Variants in PPHLN1 observed in about 807,000 individuals in gnomAD.
PPHLN1 encodes periphilin 1.
A neutral mutation model predicts 51.3 loss-of-function variants in PPHLN1; 29 were observed. The observed-to-expected ratio is 0.57, with a 90% CI of 0.42 to 0.77. The LOEUF (loss-of-function observed/expected upper bound fraction) is 0.77. Ranked by LOEUF, PPHLN1 falls within the 30% of genes least tolerant of loss-of-function variation. The pLI is 0.00. For missense variants in PPHLN1, 436 were observed against 438.4 expected, an observed-to-expected ratio of 0.99 and a Z score of 0.05; for synonymous variants, 147 against 147.8, an observed-to-expected ratio of 0.99 and a Z score of 0.04.
At chr12:42,394,560 C>T (rs2078026901) in intron 8 of PPHLN1, among the ~76,000 whole-genome samples, 1 of 152,100 alleles carries the variant, frequency 6.6e-6, no homozygotes, top group Non-Finnish European at 1.5e-5. Context: ...CTAATGTACA[C>T]TGCTCATAAA....
chr12:42,345,766 A>T (rs61926561), intron 2 of PPHLN1, among the ~76,000 whole-genome samples: 24,659 of 151,846 alleles, frequency 0.16, 2,035 homozygotes, highest in Admixed American at 0.2. Flanking sequence ...TTCAACTCCA[A>T]TGAGTTTATT....
intron 1 of PPHLN1, among the ~76,000 whole-genome samples, chr12:42,326,491 C>A (rs2068795184): frequency 6.6e-6 from 1 of 152,070 alleles, no homozygotes; most frequent in Admixed American, 6.5e-5. Flanking sequence ...CTTCAGTGAC[C>A]CGAGAGGAGT....
At chr12:42,376,961 T>C (rs1353564348) in intron 5 of PPHLN1, among the ~76,000 whole-genome samples, 2 of 152,012 alleles carry the variant, frequency 1.3e-5, no homozygotes, top group South Asian at 2.1e-4. Context: ...CCCTACCACA[T>C]AAAAAAAACC....
chr12:42,330,823 C>T (rs1346955425), intron 1 of PPHLN1, among the ~76,000 whole-genome samples: 1 of 152,154 alleles, frequency 6.6e-6, no homozygotes, highest in African/African-American at 2.4e-5. Flanking sequence ...GATTCTCTTG[C>T]CTCAGCCTCC....
chr12:42,443,068 CT>C (rs1176342642), downstream of PPHLN1: 12 of 234,308 alleles, frequency 5.1e-5, no homozygotes, highest in Admixed American at 4.9e-4. Context: ...GTTAAGGCTA[CT>C]TTGGCCTTGC....
intron 3 of PPHLN1, 108 bp from the exon 4 acceptor site, chr12:42,355,053 C>A: frequency 1.0e-6 from 1 of 983,190 alleles, no homozygotes; most frequent in Non-Finnish European, 1.6e-6. Context: ...CTTTTTATGC[C>A]TTTGAAGTTT....
At chr12:42,448,005 T>C (rs958323517), downstream of PPHLN1, 1 of 152,246 alleles carries the variant, frequency 6.6e-6, no homozygotes, top group African/African-American at 2.4e-5. Flanking sequence ...GCAGTGATTT[T>C]ATTTGTTACC....
In PPHLN1 at chr12:42,352,038, C is replaced by A; in HGVS notation, c.226C>A (p.Pro76Thr). ...SFSHDRRSGPPHRGDESGYRW... is the reference protein window; with the variant it reads ...SFSHDRRSGPTHRGDESGYRW... ...TTCTCATGATCGAAGAAGTGGTCCACCTCACAGAGGAGTATGTAAATTTCC... is the reference window on the plus strand; with the variant it reads ...TTCTCATGATCGAAGAAGTGGTCCAACTCACAGAGGAGTATGTAAATTTCC... The change falls in exon 3 of 10, where the codon CCT becomes ACT. Residue 76 changes from proline (P) to threonine (T), a missense_variant. Pro to Thr is a conservative substitution (Grantham distance 38, BLOSUM62 -1). Coordinates refer to ENST00000358314, the MANE Select transcript of PPHLN1 (RefSeq NM_201439.2). 1 of 1,521,802 alleles carries A rather than the reference C, an allele frequency of 6.6e-7. No individual in the cohort carries two copies. Among genetic ancestry groups the A allele is most frequent in the South Asian group, 1.3e-5 (1 of 74,750 alleles). 94.3% of individuals were successfully genotyped at this position (1,521,802 alleles called of 1,614,324 possible).
At chr12:42,385,192 A>C (rs540512985) in intron 6 of PPHLN1, among the ~76,000 whole-genome samples, 196 bp downstream of exon 6, 2 of 152,338 alleles carry the variant, frequency 1.3e-5, no homozygotes, top group South Asian at 4.1e-4. Context: ...CCTGGATGGG[A>C]ATAGCCATTC....
At chr12:42,448,561 G>A (rs2083391053), downstream of PPHLN1, 1 of 152,178 alleles carries the variant, frequency 6.6e-6, no homozygotes, top group African/African-American at 2.4e-5. Flanking sequence ...CAGGTGGAAT[G>A]TAGATATTGT....
chr12:42,433,280 T>G, intron 9 of PPHLN1: 1 of 663,498 alleles, frequency 1.5e-6, no homozygotes. Flanking sequence ...TATCAGATGG[T>G]GGAGGTAATC....
At chr12:42,336,157 A>G (rs1450445929) in intron 2 of PPHLN1, among the ~76,000 whole-genome samples, 183 bp downstream of exon 2, 1 of 152,208 alleles carries the variant, frequency 6.6e-6, no homozygotes, top group Non-Finnish European at 1.5e-5. Flanking sequence ...CATTTTATTT[A>G]AGTAGAAAAC....
At chr12:42,438,602 G>A (rs934896483) in intron 9 of PPHLN1, among the ~76,000 whole-genome samples, 10 of 151,676 alleles carry the variant, frequency 6.6e-5, no homozygotes, top group Admixed American at 5.3e-4. Flanking sequence ...TTTGTTTTTT[G>A]TTTTTGTTTT....
intron 9 of PPHLN1, among the ~76,000 whole-genome samples, chr12:42,417,943 G>GTTTTTTTTTTTTTTTTTTTTTTT (rs371302578): frequency 1.1e-5 from 1 of 88,414 alleles, no homozygotes; most frequent in Non-Finnish European, 2.2e-5. Context: ...TTTTTTTTTT[G>GTTTTTTTTTTTTTTTTTTTTTTT]TTTTTTTTTT....
At chr12:42,424,736 T>C (rs912962816) in intron 9 of PPHLN1, among the ~76,000 whole-genome samples, 1 of 152,134 alleles carries the variant, frequency 6.6e-6, no homozygotes, top group Non-Finnish European at 1.5e-5. Context: ...AAAAAGAGAT[T>C]ATGGCATACA....
downstream of PPHLN1, chr12:42,442,806 A>G (rs986177278): frequency 5.6e-6 from 9 of 1,608,074 alleles, no homozygotes; most frequent in African/African-American, 1.3e-5. Flanking sequence ...GGGTTTCATC[A>G]TGGGACAACA....
In PPHLN1 at chr12:42,441,556, T is replaced by G; in HGVS notation, c.*47T>G. 6.8e-7 allele frequency: 1 copy of G among 1,474,670 alleles called. No homozygotes were observed. The highest frequency in any genetic ancestry group is 9.0e-7 in the Non-Finnish European group (1 of 1,116,702). 91.3% of individuals were successfully genotyped at this position (1,474,670 alleles called of 1,614,324 possible). ...AAAAAAAAAAACAGTTTCTAAAAAT[T>G]TTTTTTCCTGGATTGTGTAAATCCT... On this transcript the variant is annotated 3_prime_UTR_variant, in exon 10 of 10. Transcript: ENST00000358314.
At chr12:42,359,571 G>GC (rs1404247073) in intron 4 of PPHLN1, 3 of 152,156 alleles carry the variant, frequency 2.0e-5, no homozygotes, top group Non-Finnish European at 4.4e-5. Flanking sequence ...CATCTATCTG[G>GC]CTTCTGTAAG....
chr12:42,352,884 G>T (rs1327812242), intron 3 of PPHLN1, among the ~76,000 whole-genome samples: 8 of 151,420 alleles, frequency 5.3e-5, no homozygotes, highest in African/African-American at 1.9e-4. Context: ...AAGTCAGGAG[G>T]TCGAGACCAG....
Sources: gnomAD v4.1 joint callset for allele counts (sites outside exome capture counted in the v4.1 genomes callset) on GRCh38, gnomAD v4.1.1 for gene constraint, MANE v1.5 for transcripts, NCBI Gene and HGNC (gene_info 2026-07-23, HGNC 2026-07-21) for gene names.